PARD3B: variants seen among roughly 807,000 people sequenced by gnomAD.
PARD3B encodes partitioning defective 3 homolog B.
Under a neutral mutation model 130.2 loss-of-function variants are expected in PARD3B, and 103 were observed. The observed-to-expected ratio is 0.79, with a 90% CI of 0.67 to 0.93. PARD3B has a LOEUF of 0.93. Among genes scored for constraint, PARD3B ranks in the 40% least tolerant of loss-of-function variants. The probability of loss-of-function intolerance (pLI) is 0.00; values close to 1 mark genes in which losing one functional copy is unlikely to be tolerated. For missense variants in PARD3B, 1,609 were observed against 1,499.2 expected, an observed-to-expected ratio of 1.07 and a Z score of -1.21; for synonymous variants, 583 against 553.2, an observed-to-expected ratio of 1.05 and a Z score of -0.76.
Position 205,008,636 on chromosome 2 carries a change from A to G in PARD3B, c.395-38945A>G, listed in dbSNP as rs183095919. ...ATCTCTAGACTAAATAAACTGAGAG[A>G]TAAAACCGAGATAGAAAACCTAAGA... On this transcript the variant is annotated intron_variant, in intron 3 of 22. Transcript: ENST00000406610. Among the ~76,000 whole-genome samples, 546 of 152,350 alleles carry G rather than the reference A, an allele frequency of 3.6e-3. 7 individuals are homozygous for G. The highest frequency in any genetic ancestry group is 2.0e-3 in the Non-Finnish European group (133 of 68,030).
chr2:205,400,959 AC>A, intron 18 of PARD3B, 53 bp from the exon 19 acceptor site: 1 of 1,315,862 alleles, frequency 7.6e-7, no homozygotes, highest in South Asian at 1.3e-5. Context: ...TCTTAGCTCT[AC>A]CGCAAAAACA....
At chr2:204,763,850 T>C (rs187170812) in intron 2 of PARD3B, among the ~76,000 whole-genome samples, 243 of 152,366 alleles carry the variant, frequency 1.6e-3, no homozygotes, top group African/African-American at 5.7e-3. Flanking sequence ...ATAATGTGTA[T>C]GATTGTTGAT....
rs937323254 is a variant in PARD3B at position 205,121,629 on chromosome 2, G to A, written c.845G>A (p.Ser282Asn). 1.2e-6 allele frequency: 2 copies of A among 1,613,876 alleles called. No homozygotes were observed. The highest frequency in any genetic ancestry group is 2.7e-5 in the African/African-American group (2 of 74,896). Residue 282 changes from serine (S) to asparagine (N), a missense_variant, in exon 8 of 23, where the codon AGT becomes AAT. Physicochemically the swap from Ser to Asn is conservative, Grantham distance 46 (BLOSUM62 1). Transcript: ENST00000406610. The surrounding 1 kb of genome is among the most constrained non-coding windows in gnomAD (Gnocchi z 5.0). ...DVFRQAMKSP[S>N]VLLHVLPPQN... ...TTCCGCCAGGCAATGAAATCTCCAA[G>A]TGTGCTCCTCCACGTGCTTCCTCCA...
intron 20 of PARD3B, among the ~76,000 whole-genome samples, chr2:205,481,445 G>T (rs80187327): frequency 0.045 from 6,809 of 152,202 alleles, 222 homozygotes; most frequent in East Asian, 0.18. Context: ...GTATTAGAAT[G>T]AAGGAGTCAG....
chr2:204,812,283 A>T (rs1435631328), intron 2 of PARD3B, among the ~76,000 whole-genome samples: 3 of 152,174 alleles, frequency 2.0e-5, no homozygotes, highest in African/African-American at 7.2e-5. Context: ...GTGAATCCAC[A>T]TGGGTCTGCA....
rs1047402989 is a variant in PARD3B at position 205,585,196 on chromosome 2, G to A, written c.3261-30260G>A. 3.9e-5 allele frequency among the ~76,000 whole-genome samples: 6 copies of A among 152,186 alleles called. No individual in the cohort carries two copies. Among genetic ancestry groups the A allele is most frequent in the African/African-American group, 9.7e-5 (4 of 41,440 alleles). ...ATGCCTGCCTAGGTGTTTATGGCAA[G>A]AGGCATATTTGGAATGCACAGGCTG... On this transcript the variant is annotated intron_variant, in intron 22 of 22. Transcript: ENST00000406610. This position sits in a 1 kb window ranked among gnomAD's most constrained non-coding sequence, Gnocchi z 5.4.
chr2:205,163,262 C>G (rs1265651232), intron 11 of PARD3B, among the ~76,000 whole-genome samples: 1 of 152,138 alleles, frequency 6.6e-6, no homozygotes, highest in Non-Finnish European at 1.5e-5. Flanking sequence ...TGTCGTATAT[C>G]AGGTAGATTG....
intron 3 of PARD3B, among the ~76,000 whole-genome samples, chr2:204,998,622 T>C (rs1694554507): frequency 6.6e-6 from 1 of 150,936 alleles, no homozygotes. Context: ...TCACTAAAAG[T>C]TTTTGATATA....
rs192140328 is a variant in PARD3B at position 204,652,440 on chromosome 2, G to A, written c.121-33741G>A. Among the ~76,000 whole-genome samples the A allele has an allele frequency of 5.4e-4, 82 of 152,244 alleles. 1 individual carries two copies. In the East Asian group the frequency reaches 5.4e-3, roughly 10 times the overall value. On this transcript the variant is annotated intron_variant, in intron 1 of 22. Coordinates refer to ENST00000406610, the MANE Select transcript of PARD3B (RefSeq NM_001302769.2). Reference sequence around the variant, plus strand: ...TCACCAATCTCTTCACTAAAGCATAGCAAGGGTGACCATTACCCCAGTTCA... The same window carrying A: ...TCACCAATCTCTTCACTAAAGCATAACAAGGGTGACCATTACCCCAGTTCA...
chr2:205,404,837 A>G (rs1559062263), intron 19 of PARD3B, among the ~76,000 whole-genome samples: 1 of 152,168 alleles, frequency 6.6e-6, no homozygotes, highest in South Asian at 2.1e-4. Flanking sequence ...CACTGTTTCA[A>G]ATAATACTTG....
Position 205,421,309 on chromosome 2 carries a change from T to C in PARD3B, c.2742-19061T>C, listed in dbSNP as rs1439184742. On this transcript the variant is annotated intron_variant, in intron 19 of 22. Coordinates refer to ENST00000406610, the MANE Select transcript of PARD3B (RefSeq NM_001302769.2). This position sits in a 1 kb window ranked among gnomAD's most constrained non-coding sequence, Gnocchi z 5.1. ...CAGATGTCAGCTGCCGGGACCAGTTTGTGTGGTGCTGTGCCTACACAATGC... is the reference window on the plus strand; with the variant it reads ...CAGATGTCAGCTGCCGGGACCAGTTCGTGTGGTGCTGTGCCTACACAATGC... Among the ~76,000 whole-genome samples, 2 of 152,154 alleles carry C rather than the reference T, an allele frequency of 1.3e-5. No individual in the cohort carries two copies. The highest frequency in any genetic ancestry group is 4.8e-5 in the African/African-American group (2 of 41,436).
chr2:205,311,227 A>G (rs572482868), intron 18 of PARD3B, among the ~76,000 whole-genome samples: 2 of 152,240 alleles, frequency 1.3e-5, no homozygotes, highest in South Asian at 4.1e-4. Context: ...GTTCTTTTTA[A>G]ATTTTTGAGT....
At chr2:205,599,955 A>T (rs1226144693) in intron 22 of PARD3B, among the ~76,000 whole-genome samples, 2 of 152,170 alleles carry the variant, frequency 1.3e-5, no homozygotes, top group Non-Finnish European at 2.9e-5. Flanking sequence ...CGAGAGTGTG[A>T]TGTCCTCAAA....
intron 18 of PARD3B, among the ~76,000 whole-genome samples, chr2:205,349,581 A>C (rs1397520425): frequency 6.6e-6 from 1 of 152,220 alleles, no homozygotes; most frequent in Non-Finnish European, 1.5e-5. Context: ...AAAAGGAAGT[A>C]GTGGTTATTA....
intron 16 of PARD3B, among the ~76,000 whole-genome samples, chr2:205,255,752 A>C (rs115210791): frequency 1.3e-5 from 2 of 152,166 alleles, no homozygotes; most frequent in Non-Finnish European, 2.9e-5. Context: ...GATGAATAGA[A>C]CAAGGTTGTG....
intron 18 of PARD3B, among the ~76,000 whole-genome samples, chr2:205,322,802 A>C (rs917473169): frequency 2.0e-5 from 3 of 149,442 alleles, no homozygotes; most frequent in African/African-American, 7.3e-5. Context: ...AATATCTCCC[A>C]TGTAAAATAT....
At chr2:205,264,230 T>G (rs758073474) in intron 16 of PARD3B, among the ~76,000 whole-genome samples, 11 of 150,998 alleles carry the variant, frequency 7.3e-5, no homozygotes, top group Non-Finnish European at 1.0e-4. Flanking sequence ...TTAGAGGTGG[T>G]AGTTGAATAT....
At position 205,523,221 on chromosome 2, in the gene PARD3B, G is replaced by A. The variant is rs1553536832; in HGVS notation, c.3180+23190G>A. Reference sequence around the variant, plus strand: ...CCCCGTGTACTATATGTGTGTGTGTGTGTGTATATATATATATATATTTAT... The same window carrying A: ...CCCCGTGTACTATATGTGTGTGTGTATGTGTATATATATATATATATTTAT... On this transcript the variant is annotated intron_variant, in intron 21 of 22. Coordinates refer to ENST00000406610, the MANE Select transcript of PARD3B (RefSeq NM_001302769.2). Among the ~76,000 whole-genome samples, 96 of 121,222 alleles carry A rather than the reference G, an allele frequency of 7.9e-4. No individual in the cohort carries two copies. The South Asian group carries it at 0.019, about 24-fold the overall frequency. The allele number at this position is 121,222 out of a possible 152,430, so 79.5% of individuals were successfully genotyped here. A position where few individuals can be genotyped will look rare whatever the true frequency, so the allele number is the denominator to read the frequency against.
intron 2 of PARD3B, among the ~76,000 whole-genome samples, chr2:204,954,478 CGTGT>C (rs1322694908): frequency 6.6e-6 from 1 of 152,204 alleles, no homozygotes; most frequent in Non-Finnish European, 1.5e-5. Flanking sequence ...ATTTGCTAAA[CGTGT>C]TCATGCTAAA....
Sources: allele counts gnomAD v4.1 joint callset (sites outside exome capture counted in the v4.1 genomes callset), GRCh38; gene constraint gnomAD v4.1.1; non-coding constraint Gnocchi (gnomAD v3.1); transcripts MANE v1.5; gene names NCBI Gene and HGNC (gene_info 2026-07-23, HGNC 2026-07-21).